LRRIQ1: variants seen among roughly 807,000 people sequenced by gnomAD.
LRRIQ1 encodes leucine-rich repeat- and IQ domain-containing protein 1.
Under a neutral mutation model 211.9 loss-of-function variants are expected in LRRIQ1, and 210 were observed. That is an observed-to-expected ratio of 0.99 (90% CI 0.89 to 1.11). The LOEUF (loss-of-function observed/expected upper bound fraction) is 1.11, where lower values mean the gene tolerates loss of function less well. Among genes scored for constraint, LRRIQ1 ranks in the 50% most tolerant of loss-of-function variants. The pLI is 0.00. For synonymous variants in LRRIQ1, 699 were observed against 650.1 expected (o/e 1.08, Z -1.14); for missense variants, 2,136 against 1,939.5 (o/e 1.10, Z -1.90).
At chr12:85,037,498 T>C (rs1592676049) in intron 1 of LRRIQ1, among the ~76,000 whole-genome samples, 1 of 152,162 alleles carries the variant, frequency 6.6e-6, no homozygotes, top group East Asian at 1.9e-4. Context: ...TTTTCTTTTC[T>C]TTTCTTTCTT....
At chr12:85,176,753 A>T (rs898305442) in intron 24 of LRRIQ1, among the ~76,000 whole-genome samples, 2 of 151,990 alleles carry the variant, frequency 1.3e-5, no homozygotes, top group Admixed American at 6.6e-5. Context: ...AAAAAATAAA[A>T]AAAAATTTTA....
chr12:85,259,333 G>T (rs1451319407), intron 1 of LRRIQ1, among the ~76,000 whole-genome samples: 1 of 151,776 alleles, frequency 6.6e-6, no homozygotes, highest in Non-Finnish European at 1.5e-5. Context: ...TTTTCATATG[G>T]GTAATTTTAG....
intron 19 of LRRIQ1, among the ~76,000 whole-genome samples, chr12:85,139,160 A>G (rs915004558): frequency 5.3e-5 from 8 of 151,436 alleles, no homozygotes; most frequent in Admixed American, 2.6e-4. Context: ...AAACCTCTTT[A>G]GGTTCTAGAG....
chr12:85,213,521 A>G (rs1051962795), intron 24 of LRRIQ1, among the ~76,000 whole-genome samples: 1 of 152,012 alleles, frequency 6.6e-6, no homozygotes, highest in Non-Finnish European at 1.5e-5. Flanking sequence ...ACATTCAACA[A>G]TTGGAAAATG....
At chr12:85,131,212 CAAA>C (rs111605863) in intron 18 of LRRIQ1, among the ~76,000 whole-genome samples, 1 of 127,594 alleles carries the variant, frequency 7.8e-6, no homozygotes, top group Non-Finnish European at 1.7e-5. Flanking sequence ...GATTTTGTCT[CAAA>C]AAAAAAAAAA....
At chr12:85,237,834 G>T (rs1895263235) in intron 26 of LRRIQ1, among the ~76,000 whole-genome samples, 1 of 151,990 alleles carries the variant, frequency 6.6e-6, no homozygotes, top group Non-Finnish European at 1.5e-5. Flanking sequence ...GAGTTTAAAG[G>T]ATGCTAACAA....
At chr12:85,172,746 G>A (rs1476254577) in intron 24 of LRRIQ1, among the ~76,000 whole-genome samples, 1 of 152,096 alleles carries the variant, frequency 6.6e-6, no homozygotes, top group Non-Finnish European at 1.5e-5. Flanking sequence ...TATGAGATCT[G>A]TCTCTATGTC....
chr12:85,263,074 A>C (rs922432402), exon 2 of LRRIQ1: 6 of 987,858 alleles, frequency 6.1e-6, no homozygotes, highest in Non-Finnish European at 7.2e-6. Flanking sequence ...TTAAGGCTTC[A>C]GCATTCAAAA....
intron 24 of LRRIQ1, among the ~76,000 whole-genome samples, chr12:85,223,989 G>A (rs1395851171): frequency 6.7e-6 from 1 of 148,930 alleles, no homozygotes; most frequent in African/African-American, 2.6e-5. Flanking sequence ...AGTAAAATAA[G>A]CAATCTCATA....
intron 6 of LRRIQ1, 42 bp downstream of exon 6, chr12:85,047,512 C>G (rs1221003120): frequency 1.3e-6 from 2 of 1,490,614 alleles, no homozygotes; most frequent in Non-Finnish European, 1.9e-6. Context: ...AAATCAGTAG[C>G]TACCTCTGAA....
intron 11 of LRRIQ1, among the ~76,000 whole-genome samples, chr12:85,091,727 A>G (rs1279512277): frequency 6.6e-6 from 1 of 152,188 alleles, no homozygotes; most frequent in Non-Finnish European, 1.5e-5. Flanking sequence ...ATAGCCAGTT[A>G]TCCCAGCACC....
At chr12:85,232,668 A>C in intron 25 of LRRIQ1, 28 bp from the exon 26 acceptor site, 1 of 1,583,326 alleles carries the variant, frequency 6.3e-7, no homozygotes. Flanking sequence ...TACATTATAA[A>C]ATACTTTCTG....
chr12:85,061,046 T>C (rs1210493741), intron 8 of LRRIQ1, among the ~76,000 whole-genome samples: 2 of 151,872 alleles, frequency 1.3e-5, no homozygotes, highest in Non-Finnish European at 2.9e-5. Context: ...CTTTTTCAAA[T>C]GTTTTTACAT....
chr12:85,116,174 G>A (rs544170633), intron 15 of LRRIQ1, among the ~76,000 whole-genome samples: 91 of 152,218 alleles, frequency 6.0e-4, no homozygotes, highest in Non-Finnish European at 1.1e-3. Flanking sequence ...ACGGAGTCTC[G>A]CTCTGTCGCC....
chr12:85,106,752 G>T, intron 15 of LRRIQ1, 137 bp downstream of exon 15: 1 of 627,856 alleles, frequency 1.6e-6, no homozygotes, highest in Non-Finnish European at 2.7e-6. Flanking sequence ...AACCAAAAAA[G>T]TTTTGTAAAA....
chr12:85,200,365 T>TAAA (rs1451278037), intron 24 of LRRIQ1, among the ~76,000 whole-genome samples: 1 of 152,190 alleles, frequency 6.6e-6, no homozygotes, highest in Non-Finnish European at 1.5e-5. Context: ...AAGGAGCTTT[T>TAAA]GGGCGAGATT....
chr12:85,040,242 G>A (rs985019500), intron 2 of LRRIQ1, among the ~76,000 whole-genome samples: 11 of 151,554 alleles, frequency 7.3e-5, no homozygotes, highest in Non-Finnish European at 7.4e-5. Flanking sequence ...TAAAGTTAAC[G>A]AAAGTGATGT....
rs1336249429 is a variant in LRRIQ1 at position 85,127,890 on chromosome 12, C to T, written c.4066C>T (p.His1356Tyr). 16 of 1,613,858 alleles carry T rather than the reference C, an allele frequency of 9.9e-6. No homozygotes were observed. Among genetic ancestry groups the T allele is most frequent in the Non-Finnish European group, 1.4e-5 (16 of 1,180,004 alleles). Residue 1356 changes from histidine to tyrosine, a missense_variant, in exon 18 of 27, where the codon CAT becomes TAT. Transcript: ENST00000393217. The stretch of plus-strand genomic sequence containing the variant: ...TGGTTACCTCATGCGCAGACAGACT[C>T]ATTTCTCCACAAGGCTACATACTGC... ...WRGYLMRRQT[H>Y]FSTRLHTAAT...
intron 15 of LRRIQ1, among the ~76,000 whole-genome samples, chr12:85,107,586 A>G (rs933105467): frequency 6.6e-6 from 1 of 151,864 alleles, no homozygotes; most frequent in Non-Finnish European, 1.5e-5. Context: ...TGGAAAATTT[A>G]TGGCCATTTT....
Sources: gnomAD v4.1 joint callset for allele counts (sites outside exome capture counted in the v4.1 genomes callset) on GRCh38, gnomAD v4.1.1 for gene constraint, MANE v1.5 for transcripts, NCBI Gene and HGNC (gene_info 2026-07-23, HGNC 2026-07-21) for gene names.